AIMP1: variants seen among roughly 807,000 people sequenced by gnomAD.
The protein encoded by AIMP1 is aminoacyl tRNA synthetase complex interacting multifunctional protein 1.
Under a neutral mutation model 33.1 loss-of-function variants are expected in AIMP1, and 24 were observed. That is an observed-to-expected ratio of 0.73 (90% confidence interval 0.53 to 1.02). AIMP1 has a LOEUF of 1.02. Ranked by LOEUF, AIMP1 falls within the 50% of genes least tolerant of loss-of-function variation. AIMP1 has a pLI of 0.00. For missense variants in AIMP1, 367 were observed against 364.8 expected (o/e 1.01, Z -0.05); for synonymous variants, 120 against 121.5 (o/e 0.99, Z 0.08).
At chr4:106,346,987 TCAAAGCAAGA>T (rs1770328288) in intron 6 of AIMP1, among the ~76,000 whole-genome samples, 1 of 152,010 alleles carries the variant, frequency 6.6e-6, no homozygotes, top group South Asian at 2.1e-4. Flanking sequence ...TCAAAGCAAG[TCAAAGCAAGA>T]GCGAGCATCT....
intron 1 of AIMP1, 38 bp downstream of exon 1, chr4:106,316,632 G>A (rs755163543): frequency 4.5e-6 from 7 of 1,546,934 alleles, no homozygotes; most frequent in Non-Finnish European, 6.1e-6. Flanking sequence ...CTCGGGGATC[G>A]CCGATTGCGA....
At chr4:106,321,724 A>G (rs961101964) in intron 1 of AIMP1, among the ~76,000 whole-genome samples, 1 of 152,360 alleles carries the variant, frequency 6.6e-6, no homozygotes, top group Non-Finnish European at 1.5e-5. Flanking sequence ...AGAACGGGCC[A>G]TGATGACGAT....
In AIMP1 at chr4:106,316,552, T is replaced by C. The variant is rs760216406; in HGVS notation, c.-68T>C. On this transcript the variant is annotated 5_prime_UTR_variant, in exon 1 of 7. Transcript: ENST00000672341. The stretch of plus-strand genomic sequence containing the variant: ...TACGCGGGTGGCTGGACCTACATGC[T>C]TCCTGCTGTGGCTGTCTCGGAACCC... 30 of 1,551,518 alleles carry C rather than the reference T, an allele frequency of 1.9e-5. No individual in the cohort carries two copies. Among genetic ancestry groups the C allele is most frequent in the Admixed American group, 7.8e-5 (4 of 50,988 alleles).
chr4:106,333,881 GT>G (rs1769770831), intron 5 of AIMP1, among the ~76,000 whole-genome samples: 1 of 152,004 alleles, frequency 6.6e-6, no homozygotes, highest in Non-Finnish European at 1.5e-5. Flanking sequence ...CTCAACAAAA[GT>G]TTACTTTCTT....
chr4:106,336,533 A>T (rs932559130), intron 5 of AIMP1, among the ~76,000 whole-genome samples: 1 of 152,186 alleles, frequency 6.6e-6, no homozygotes, highest in African/African-American at 2.4e-5. Context: ...TTTTGAGGAA[A>T]CAGGAGTGTC....
rs1409566507 is a variant in AIMP1 at position 106,335,806 on chromosome 4, C to T, written c.604-1063C>T. Among the ~76,000 whole-genome samples the T allele has an allele frequency of 2.6e-5, 4 of 151,462 alleles. No individual in the cohort carries two copies. In the East Asian group the frequency reaches 5.8e-4, roughly 22 times the overall value. On this transcript the variant is annotated intron_variant, in intron 5 of 6. Coordinates refer to ENST00000672341, the MANE Select transcript of AIMP1 (RefSeq NM_001142416.2). ...ATAAAACCATCTTTTATCTAGAATG[C>T]ATCTTTTTTTCTCCTTTGAGCAATA...
rs765549298 is a variant in AIMP1 at position 106,328,028 on chromosome 4, A to C, written c.224-48A>C. On this transcript the variant is annotated intron_variant, in intron 3 of 6. Transcript: ENST00000672341. ...GGTTCACAATTTCATATTTTTTGTC[A>C]TATTTATTGGTTTAATATGAATGAC... The C allele has an allele frequency of 1.9e-6, 3 of 1,600,672 alleles. No individual in the cohort carries two copies. In the African/African-American group the frequency reaches 4.0e-5, roughly 21 times the overall value.
At chr4:106,325,327 A>G (rs1769417260) in intron 2 of AIMP1, among the ~76,000 whole-genome samples, 1 of 152,026 alleles carries the variant, frequency 6.6e-6, no homozygotes, top group African/African-American at 2.4e-5. Context: ...TCAGTAGTCA[A>G]TGTCAGAATA....
At chr4:106,332,032 CA>C in intron 5 of AIMP1, 149 bp downstream of exon 5, 6 of 747,202 alleles carry the variant, frequency 8.0e-6, no homozygotes, top group South Asian at 1.7e-5. Context: ...GTTAATTACA[CA>C]AAAAAAGCAT....
chr4:106,323,371 C>T lies in AIMP1; in HGVS notation c.-25-1614C>T, dbSNP rs185184753. On this transcript the variant is annotated intron_variant, in intron 1 of 6. Transcript: ENST00000672341. The stretch of plus-strand genomic sequence containing the variant: ...TTGGTGGGTATTTATTTTTGAAGGA[C>T]TGTCTAGAACTGTTGGCTTATTTAT... Among the ~76,000 whole-genome samples the T allele has an allele frequency of 8.9e-3, 1,345 of 151,966 alleles. 8 individuals carry two copies. The highest frequency in any genetic ancestry group is 0.013 in the Non-Finnish European group (860 of 67,944).
At chr4:106,338,895 G>A (rs1346915674) in intron 6 of AIMP1, among the ~76,000 whole-genome samples, 1 of 152,224 alleles carries the variant, frequency 6.6e-6, no homozygotes, top group African/African-American at 2.4e-5. Context: ...GGCTGTGGGA[G>A]CCCACCTGTT....
At chr4:106,329,525 C>T (rs1288407457) in intron 4 of AIMP1, among the ~76,000 whole-genome samples, 1 of 152,160 alleles carries the variant, frequency 6.6e-6, no homozygotes, top group African/African-American at 2.4e-5. Context: ...CATTATCCAA[C>T]ATGGTAGTCA....
intron 1 of AIMP1, 62 bp downstream of exon 1, chr4:106,316,656 C>T: frequency 1.3e-6 from 2 of 1,512,772 alleles, no homozygotes; most frequent in South Asian, 1.2e-5. Flanking sequence ...TAGGGGTCTT[C>T]CTTCTCTAAC....
rs151125958 is a variant in AIMP1, at chr4:106,318,058, C to T, written c.-26+1464C>T. Among the ~76,000 whole-genome samples, 176 of 152,270 alleles carry T rather than the reference C, an allele frequency of 1.2e-3. 1 individual carries two copies. Among genetic ancestry groups the T allele is most frequent in the African/African-American group, 4.0e-3 (165 of 41,538 alleles). ...CTCTCATAGCTGTCCACCCTATAGTCATTCCTTATAGCCATCCTTTAAACC... is the reference window on the plus strand; with the variant it reads ...CTCTCATAGCTGTCCACCCTATAGTTATTCCTTATAGCCATCCTTTAAACC... On this transcript the variant is annotated intron_variant, in intron 1 of 6. Transcript: ENST00000672341.
In AIMP1 at chr4:106,347,699, T is replaced by G. The variant is rs1470969884; in HGVS notation, c.*7T>G. On this transcript the variant is annotated 3_prime_UTR_variant, in exon 7 of 7. Coordinates refer to ENST00000672341, the MANE Select transcript of AIMP1 (RefSeq NM_001142416.2). ...CAACAGTGGAATCAAATAAAATGCT[T>G]CCACTACCAAAAGACATTAGAGAAA... The G allele has an allele frequency of 2.5e-6, 4 of 1,611,962 alleles. No homozygotes were observed. In the East Asian group the frequency reaches 8.9e-5, roughly 36 times the overall value.
At chr4:106,321,478 C>T (rs1194035324) in intron 1 of AIMP1, 14 of 155,590 alleles carry the variant, frequency 9.0e-5, no homozygotes, top group Non-Finnish European at 1.4e-4. Context: ...ACCGGCTGCC[C>T]GGTCTGAGAA....
rs1339501181 is a variant in AIMP1, at chr4:106,316,556, TGCTGTGG to T, written c.-63_-57del. 5 of 1,551,638 alleles carry T rather than the reference TGCTGTGG, an allele frequency of 3.2e-6. No homozygotes were observed. In the South Asian group the frequency reaches 4.8e-5, roughly 15 times the overall value. On this transcript the variant is annotated 5_prime_UTR_variant, in exon 1 of 7. Coordinates refer to ENST00000672341, the MANE Select transcript of AIMP1 (RefSeq NM_001142416.2). ...CGGGTGGCTGGACCTACATGCTTCC[TGCTGTGG>T]CTGTCTCGGAACCCGTGGTCCTCCG...
Position 106,348,188 on chromosome 4 carries a change from A to G in AIMP1, c.*496A>G, listed in dbSNP as rs1051665951. On this transcript the variant is annotated 3_prime_UTR_variant, in exon 7 of 7. Transcript: ENST00000672341. ...GACCAACTGCTCATTCTGAAAGCCA[A>G]ACATAAAAGCTAGGAGAAGTGGCAT... 6.6e-6 allele frequency: 1 copy of G among 152,232 alleles called. No homozygotes were observed. The highest frequency in any genetic ancestry group is 6.6e-5 in the Admixed American group (1 of 15,266). The allele number at this position is 152,232 out of a possible 1,614,324, so 9.4% of individuals were successfully genotyped here.
chr4:106,338,215 A>G (rs1769963596), intron 6 of AIMP1, among the ~76,000 whole-genome samples: 1 of 152,262 alleles, frequency 6.6e-6, no homozygotes, highest in African/African-American at 2.4e-5. Context: ...AGAAAAACCC[A>G]TTTCTGCCAG....
Sources: gnomAD v4.1 joint callset for allele counts (sites outside exome capture counted in the v4.1 genomes callset) on GRCh38, gnomAD v4.1.1 for gene constraint, MANE v1.5 for transcripts, NCBI Gene and HGNC (gene_info 2026-07-23, HGNC 2026-07-21) for gene names.